The following GRM8 variants were observed in gnomAD, a reference collection of about 807,000 sequenced individuals.
The protein encoded by GRM8 is metabotropic glutamate receptor 8.
GRM8 carries 47 observed loss-of-function variants against 87.2 expected under a neutral mutation model. The ratio of observed to expected loss-of-function variants is 0.54; its 90% CI spans 0.43 to 0.69. The LOEUF is 0.69. Ranked by LOEUF, GRM8 falls within the 30% of genes least tolerant of loss-of-function variation. The pLI, the probability that GRM8 is intolerant of heterozygous loss-of-function variation, is 0.00. For synonymous variants in GRM8, 396 were observed against 404.5 expected (o/e 0.98, Z 0.25); for missense variants, 1,019 against 1,139.2 (o/e 0.89, Z 1.52).
At chr7:127,001,082 A>G (rs1489218321) in intron 3 of GRM8, among the ~76,000 whole-genome samples, 1 of 151,662 alleles carries the variant, frequency 6.6e-6, no homozygotes, top group East Asian at 1.9e-4. Context: ...AGATGTATTG[A>G]TCAATAGATG....
chr7:126,517,714 A>T lies in GRM8; in HGVS notation c.2430+15238T>A, dbSNP rs555175449. Among the ~76,000 whole-genome samples the T allele has an allele frequency of 3.3e-5, 5 of 152,184 alleles. No homozygotes were observed. The East Asian group carries it at 9.7e-4, about 29-fold the overall frequency. Reference sequence around the variant, plus strand: ...AAAACTTATTTCAACTTGCACTAATATCTTCATAGAGCTCCTGGATAATGG... The same window carrying T: ...AAAACTTATTTCAACTTGCACTAATTTCTTCATAGAGCTCCTGGATAATGG... On this transcript the variant is annotated intron_variant, in intron 9 of 10. Transcript: ENST00000339582.
At chr7:126,805,305 C>T (rs1297047649) in intron 6 of GRM8, among the ~76,000 whole-genome samples, 2 of 152,152 alleles carry the variant, frequency 1.3e-5, no homozygotes, top group Non-Finnish European at 2.9e-5. Context: ...CTTCAGCTTC[C>T]CCATGGCAAT....
At chr7:127,101,580 C>T (rs1433442942) in intron 3 of GRM8, among the ~76,000 whole-genome samples, 3 of 152,202 alleles carry the variant, frequency 2.0e-5, no homozygotes, top group Admixed American at 2.0e-4. Flanking sequence ...GGTGTGCTTG[C>T]TCCTGCTTTA....
At chr7:126,754,957 A>G (rs1254437575) in intron 7 of GRM8, among the ~76,000 whole-genome samples, 1 of 58,632 alleles carries the variant, frequency 1.7e-5, no homozygotes, top group Non-Finnish European at 5.5e-5. Context: ...GCTAAAAAGA[A>G]AAAAAAAATC....
intron 2 of GRM8, among the ~76,000 whole-genome samples, chr7:127,219,276 A>G (rs1796767409): frequency 6.6e-6 from 1 of 152,182 alleles, no homozygotes. Context: ...TTACCTCAAG[A>G]CTGAAATACA....
At chr7:126,969,449 CAGG>C (rs1810196570) in intron 3 of GRM8, among the ~76,000 whole-genome samples, 1 of 152,168 alleles carries the variant, frequency 6.6e-6, no homozygotes, top group African/African-American at 2.4e-5. Context: ...GCATCTTCAC[CAGG>C]AGTAGATTCC....
intron 7 of GRM8, among the ~76,000 whole-genome samples, chr7:126,769,197 A>G (rs1183280685): frequency 6.6e-6 from 1 of 152,138 alleles, no homozygotes; most frequent in Non-Finnish European, 1.5e-5. Context: ...GAACAGCAGC[A>G]TTCAATAATT....
At chr7:126,656,223 G>A (rs1804511641) in intron 7 of GRM8, among the ~76,000 whole-genome samples, 1 of 152,190 alleles carries the variant, frequency 6.6e-6, no homozygotes, top group Non-Finnish European at 1.5e-5. Flanking sequence ...CTTGCTGACT[G>A]TGCCCCACAC....
chr7:126,582,820 C>T (rs1201669140), intron 8 of GRM8, among the ~76,000 whole-genome samples: 2 of 152,120 alleles, frequency 1.3e-5, no homozygotes, highest in African/African-American at 4.8e-5. Context: ...TTTGTAGTTT[C>T]ATGTATGTTG....
intron 2 of GRM8, among the ~76,000 whole-genome samples, chr7:127,215,792 G>A (rs1157110344): frequency 1.3e-5 from 2 of 152,166 alleles, no homozygotes; most frequent in African/African-American, 4.8e-5. Context: ...TTCTCTATCT[G>A]ATGCTTAAAA....
chr7:126,472,649 T>A (rs951802628), intron 9 of GRM8, among the ~76,000 whole-genome samples: 4 of 152,184 alleles, frequency 2.6e-5, no homozygotes, highest in Admixed American at 2.0e-4. Flanking sequence ...GAAGTTTGCG[T>A]GAGTAATGAG....
At chr7:126,869,207 T>G (rs1798869872) in intron 6 of GRM8, 1 of 152,252 alleles carries the variant, frequency 6.6e-6, no homozygotes, top group Non-Finnish European at 1.5e-5. Flanking sequence ...CAGTCACATC[T>G]TCAGACTCCA....
chr7:126,748,609 T>G (rs1014963699), intron 7 of GRM8, among the ~76,000 whole-genome samples: 1 of 150,300 alleles, frequency 6.7e-6, no homozygotes. Flanking sequence ...CGGGTTTTTT[T>G]TTTTTTTTTT....
In GRM8 at chr7:126,786,001, C is replaced by T. The variant is rs1820589117; in HGVS notation, c.1157-15936G>A. Among the ~76,000 whole-genome samples the T allele has an allele frequency of 2.0e-5, 3 of 152,192 alleles. No individual in the cohort carries two copies. In the South Asian group the frequency reaches 6.2e-4, roughly 32 times the overall value. On this transcript the variant is annotated intron_variant, in intron 6 of 10. Coordinates refer to ENST00000339582, the MANE Select transcript of GRM8 (RefSeq NM_000845.3). ...CATTTTGACTTTTAATTTTACCAGT[C>T]TTTTGAGGTTTTCTGGAGCACTAGG...
At chr7:127,015,152 A>AAGAAGG (rs1377826762) in intron 3 of GRM8, among the ~76,000 whole-genome samples, 2,553 of 69,768 alleles carry the variant, frequency 0.037, 585 homozygotes, top group African/African-American at 0.05. Context: ...AGGAAGAAGG[A>AAGAAGG]AGAAGGAGAA....
At chr7:126,925,063 G>T (rs919598629) in intron 3 of GRM8, among the ~76,000 whole-genome samples, 5 of 152,104 alleles carry the variant, frequency 3.3e-5, no homozygotes, top group Non-Finnish European at 5.9e-5. Flanking sequence ...ACAGAAGAGA[G>T]CAAGACCTCA....
intron 7 of GRM8, among the ~76,000 whole-genome samples, chr7:126,676,390 AACC>A (rs1242227112): frequency 6.6e-6 from 1 of 152,178 alleles, no homozygotes; most frequent in Non-Finnish European, 1.5e-5. Context: ...ATTCATGTGG[AACC>A]AAAAAAAGAG....
chr7:126,661,155 TAA>T (rs1805118229), intron 7 of GRM8, among the ~76,000 whole-genome samples: 1 of 152,204 alleles, frequency 6.6e-6, no homozygotes, highest in Non-Finnish European at 1.5e-5. Context: ...AACATTTTAC[TAA>T]AAGAGTGTAA....
At chr7:127,044,113 G>C (rs1210541082) in intron 3 of GRM8, among the ~76,000 whole-genome samples, 1 of 152,200 alleles carries the variant, frequency 6.6e-6, no homozygotes, top group Non-Finnish European at 1.5e-5. Flanking sequence ...ATGAAGTGGG[G>C]GCACCTGTGG....
Sources: gnomAD v4.1 joint callset for allele counts (sites outside exome capture counted in the v4.1 genomes callset) on GRCh38, gnomAD v4.1.1 for gene constraint, MANE v1.5 for transcripts, NCBI Gene and HGNC (gene_info 2026-07-23, HGNC 2026-07-21) for gene names.